The following SPECC1L variants were observed in gnomAD, a reference collection of about 807,000 sequenced individuals.
SPECC1L encodes the protein cytospin-A.
A neutral mutation model predicts 116.8 loss-of-function variants in SPECC1L; 40 were observed. The ratio of observed to expected loss-of-function variants is 0.34; its 90% CI spans 0.27 to 0.45. SPECC1L has a LOEUF of 0.45. SPECC1L is among the 20% of genes least tolerant of loss of function. The probability of loss-of-function intolerance (pLI) is 1.00; values close to 1 mark genes in which losing one functional copy is unlikely to be tolerated. For synonymous variants in SPECC1L, 504 were observed against 500.6 expected (o/e 1.01, Z -0.09); for missense variants, 1,110 against 1,373.6 (o/e 0.81, Z 3.03).
chr22:24,411,721 C>T lies in SPECC1L; in HGVS notation c.3204+17C>T, dbSNP rs745579927. The T allele has an allele frequency of 2.5e-6, 4 of 1,593,312 alleles. No homozygotes were observed. The highest frequency in any genetic ancestry group is 3.4e-6 in the Non-Finnish European group (4 of 1,162,840). On this transcript the variant is annotated intron_variant, in intron 15 of 16. Transcript: ENST00000314328. ...CAGGATAAGGTAGGCCATGGAGGGC[C>T]AGCTCCTGGCACCCACCTCACAGGG...
chr22:24,325,835 A>G (rs143201401), intron 6 of SPECC1L, among the ~76,000 whole-genome samples: 1 of 152,308 alleles, frequency 6.6e-6, no homozygotes, highest in East Asian at 1.9e-4. Flanking sequence ...TGTGTGTATT[A>G]TGTTTAACAG....
chr22:24,364,167 C>G (rs2041702532), intron 12 of SPECC1L, among the ~76,000 whole-genome samples: 1 of 152,140 alleles, frequency 6.6e-6, no homozygotes, highest in Admixed American at 6.6e-5. Context: ...CTTTAGAAAG[C>G]TGCTGTTGTG....
At chr22:24,323,422 A>AT (rs1371432525) in intron 5 of SPECC1L, among the ~76,000 whole-genome samples, 4 of 152,170 alleles carry the variant, frequency 2.6e-5, no homozygotes, top group Non-Finnish European at 4.4e-5. Context: ...CCTGTGATTT[A>AT]TTGCTGGCAG....
chr22:24,348,902 T>A (rs1160280074), intron 11 of SPECC1L, among the ~76,000 whole-genome samples: 2 of 152,246 alleles, frequency 1.3e-5, no homozygotes, highest in African/African-American at 4.8e-5. Context: ...TAATCTGATG[T>A]GACCCGTCAG....
intron 16 of SPECC1L, 140 bp downstream of exon 16, chr22:24,412,847 A>AG: frequency 1.2e-6 from 1 of 865,942 alleles, no homozygotes; most frequent in Non-Finnish European, 1.9e-6. Flanking sequence ...CTCTGGGGCC[A>AG]AGGGAGGGTC....
At chr22:24,303,844 G>GGTGTGTGTGTGT (rs3031935) in intron 3 of SPECC1L, among the ~76,000 whole-genome samples, 110 of 144,088 alleles carry the variant, frequency 7.6e-4, no homozygotes, top group East Asian at 2.4e-3. Flanking sequence ...GTTTAAATAG[G>GGTGTGTGTGTGT]GTGTGTGTGT....
chr22:24,278,490 T>C (rs2048879367), intron 2 of SPECC1L, among the ~76,000 whole-genome samples: 1 of 152,188 alleles, frequency 6.6e-6, no homozygotes, highest in African/African-American at 2.4e-5. Context: ...GGCTGCATAG[T>C]AATATTGCAT....
intron 3 of SPECC1L, among the ~76,000 whole-genome samples, chr22:24,311,366 A>G (rs1292113488): frequency 2.0e-5 from 3 of 152,326 alleles, no homozygotes; most frequent in African/African-American, 7.2e-5. Context: ...GAAGATTGAA[A>G]ATATAAGAAT....
intron 4 of SPECC1L, among the ~76,000 whole-genome samples, chr22:24,317,534 C>T (rs1440906464): frequency 7.5e-6 from 1 of 133,778 alleles, no homozygotes; most frequent in Non-Finnish European, 1.7e-5. Context: ...GGCAGAGGGG[C>T]TCCTCACTTC....
intron 9 of SPECC1L, among the ~76,000 whole-genome samples, chr22:24,335,816 A>G (rs2041042326): frequency 1.3e-5 from 2 of 152,174 alleles, no homozygotes. Flanking sequence ...CACAAGTATT[A>G]TGCATAAAGA....
chr22:24,345,358 T>G (rs1214453965), intron 10 of SPECC1L, among the ~76,000 whole-genome samples: 1 of 152,178 alleles, frequency 6.6e-6, no homozygotes, highest in Non-Finnish European at 1.5e-5. Flanking sequence ...AATTTTTACA[T>G]GAGAACATGA....
intron 5 of SPECC1L, 152 bp from the exon 6 acceptor site, chr22:24,324,068 C>A (rs762422988): frequency 6.0e-5 from 40 of 662,686 alleles, no homozygotes; most frequent in Non-Finnish European, 1.0e-4. Flanking sequence ...AGTGCTTTTT[C>A]ATACTTTTTA....
intron 2 of SPECC1L, among the ~76,000 whole-genome samples, chr22:24,294,307 C>A (rs1314065844): frequency 2.1e-5 from 3 of 141,274 alleles, no homozygotes; most frequent in Non-Finnish European, 4.6e-5. Flanking sequence ...GGATGGGGAC[C>A]TATTTTGTTC....
At chr22:24,345,560 C>CAT (rs1166791665) in intron 10 of SPECC1L, among the ~76,000 whole-genome samples, 2 of 152,176 alleles carry the variant, frequency 1.3e-5, no homozygotes, top group Non-Finnish European at 2.9e-5. Flanking sequence ...CAAAGATTTA[C>CAT]ATTCAGTAAG....
intron 2 of SPECC1L, among the ~76,000 whole-genome samples, chr22:24,286,315 T>C (rs369534005): frequency 1.6e-4 from 24 of 152,208 alleles, no homozygotes; most frequent in African/African-American, 5.3e-4. Flanking sequence ...GAATGAAATA[T>C]TGGGAAGAAA....
At chr22:24,315,248 C>G (rs1174369683) in intron 4 of SPECC1L, among the ~76,000 whole-genome samples, 4 of 152,214 alleles carry the variant, frequency 2.6e-5, no homozygotes, top group African/African-American at 7.2e-5. Context: ...TTGGGCCTCC[C>G]TGTTAATGAT....
chr22:24,314,318 G>C (rs1241528232), intron 4 of SPECC1L, among the ~76,000 whole-genome samples: 3 of 152,190 alleles, frequency 2.0e-5, no homozygotes, highest in Admixed American at 6.5e-5. Context: ...CAAAGTGCTG[G>C]TATTACAGGC....
chr22:24,383,827 T>C (rs1601322055), intron 14 of SPECC1L, among the ~76,000 whole-genome samples: 1 of 117,490 alleles, frequency 8.5e-6, no homozygotes, highest in East Asian at 2.4e-4. Context: ...TTTTTTTTTT[T>C]TTTTTAGTAG....
rs1350275306 is a variant in SPECC1L, at chr22:24,313,742, CT to C, written c.307+294del. 5.4e-3 allele frequency among the ~76,000 whole-genome samples: 704 copies of C among 129,920 alleles called. 1 individual carries two copies. Among genetic ancestry groups the C allele is most frequent in the Non-Finnish European group, 6.8e-3 (410 of 60,104 alleles). 85.2% of individuals were successfully genotyped at this position (129,920 alleles called of 152,430 possible). On this transcript the variant is annotated intron_variant, in intron 4 of 16. Transcript: ENST00000314328. ...TTATTATCTTGGAAAGAGAAGGATT[CT>C]TTTTTTTTTTTTTTTTTGAGACAGA...
Sources: allele counts gnomAD v4.1 joint callset (sites outside exome capture counted in the v4.1 genomes callset), GRCh38; gene constraint gnomAD v4.1.1; transcripts MANE v1.5; gene names NCBI Gene and HGNC (gene_info 2026-07-23, HGNC 2026-07-21).